Variants in PIP5K1B observed in about 807,000 individuals in gnomAD.
PIP5K1B encodes phosphatidylinositol-4-phosphate 5-kinase type 1 beta, also known as phosphatidylinositol 4-phosphate 5-kinase type-1 beta.
A neutral mutation model predicts 67.0 loss-of-function variants in PIP5K1B; 42 were observed. The observed-to-expected ratio is 0.63, with a 90% CI of 0.49 to 0.81. The LOEUF is 0.81. PIP5K1B is among the 30% of genes least tolerant of loss of function. The pLI, the probability that PIP5K1B is intolerant of heterozygous loss-of-function variation, is 0.00. For missense variants in PIP5K1B, 459 were observed against 646.3 expected (o/e 0.71, Z 3.14); for synonymous variants, 214 against 231.4 (o/e 0.92, Z 0.68).
At chr9:68,879,396 C>T (rs533342973) in intron 6 of PIP5K1B, among the ~76,000 whole-genome samples, 12 of 151,958 alleles carry the variant, frequency 7.9e-5, no homozygotes, top group South Asian at 4.2e-4. Flanking sequence ...GGTGAAACCC[C>T]GTCTCTACTA....
At chr9:68,802,965 G>A (rs539803576) in intron 2 of PIP5K1B, among the ~76,000 whole-genome samples, 41 of 152,190 alleles carry the variant, frequency 2.7e-4, no homozygotes, top group Non-Finnish European at 4.8e-4. Flanking sequence ...CAACAAGGCA[G>A]ACTAATTAGG....
intron 12 of PIP5K1B, among the ~76,000 whole-genome samples, chr9:68,930,757 T>TAAC (rs1361315386): frequency 6.7e-6 from 1 of 149,406 alleles, no homozygotes; most frequent in Non-Finnish European, 1.5e-5. Flanking sequence ...CCTTCCATGC[T>TAAC]AATAATAATA....
chr9:68,933,283 A>AAAAATAAAATAAAAT lies in PIP5K1B; in HGVS notation c.1202-1598_1202-1584dup, dbSNP rs10659430. Among the ~76,000 whole-genome samples the AAAAATAAAATAAAAT allele has an allele frequency of 4.0e-5, 6 of 149,788 alleles. No individual in the cohort carries two copies. In the East Asian group the frequency reaches 1.2e-3, roughly 30 times the overall value. On this transcript the variant is annotated intron_variant, in intron 12 of 15. Transcript: ENST00000265382. Reference sequence around the variant, plus strand: ...AGCACATGTATCCCAGAACTTAAAGAAAAATAAAATAAAATAAAATAAATA... The same window carrying AAAAATAAAATAAAAT: ...AGCACATGTATCCCAGAACTTAAAGAAAAATAAAATAAAATAAAATAAAATAAAATAAAATAAATA...
intron 5 of PIP5K1B, among the ~76,000 whole-genome samples, chr9:68,872,524 T>A (rs974628881): frequency 2.6e-5 from 4 of 152,248 alleles, no homozygotes; most frequent in African/African-American, 7.2e-5. Flanking sequence ...TCTAACTTTT[T>A]AAATTTATTT....
chr9:68,978,303 T>C (rs2132872444), intron 14 of PIP5K1B, among the ~76,000 whole-genome samples: 1 of 152,344 alleles, frequency 6.6e-6, no homozygotes, highest in East Asian at 1.9e-4. Context: ...CACCAGTAAC[T>C]ATCATTCTAG....
At chr9:68,869,155 G>A (rs941291753) in intron 5 of PIP5K1B, among the ~76,000 whole-genome samples, 18 of 152,184 alleles carry the variant, frequency 1.2e-4, no homozygotes, top group African/African-American at 3.9e-4. Flanking sequence ...TCCCTGGGCT[G>A]TGGACAAGTA....
At chr9:68,847,424 T>TGTGTGTGTGTGTGTGG (rs1822251651) in intron 4 of PIP5K1B, among the ~76,000 whole-genome samples, 1 of 143,042 alleles carries the variant, frequency 7.0e-6, no homozygotes, top group East Asian at 2.0e-4. Context: ...TGTGTGTGTG[T>TGTGTGTGTGTGTGTGG]GTGTGTGTGT....
intron 2 of PIP5K1B, among the ~76,000 whole-genome samples, chr9:68,802,552 CA>C (rs1423354103): frequency 6.6e-6 from 1 of 152,114 alleles, no homozygotes; most frequent in Non-Finnish European, 1.5e-5. Context: ...GTAAGTGTCA[CA>C]ATAGAGTTAG....
intron 14 of PIP5K1B, among the ~76,000 whole-genome samples, chr9:68,982,494 C>G (rs1325583374): frequency 6.6e-6 from 1 of 152,166 alleles, no homozygotes; most frequent in African/African-American, 2.4e-5. Flanking sequence ...CGGTGGCTCA[C>G]GCCTGTAATC....
chr9:68,862,800 AT>A (rs1823159558), intron 4 of PIP5K1B, among the ~76,000 whole-genome samples: 1 of 134,088 alleles, frequency 7.5e-6, no homozygotes, highest in Admixed American at 8.0e-5. Context: ...TCAAAAAAAA[AT>A]AAAAAATAAA....
chr9:68,962,493 A>C (rs1564274422), intron 14 of PIP5K1B, among the ~76,000 whole-genome samples: 3 of 152,208 alleles, frequency 2.0e-5, no homozygotes, highest in Non-Finnish European at 1.5e-5. Context: ...TCAAATTCTG[A>C]CTGCCTCATA....
intron 4 of PIP5K1B, among the ~76,000 whole-genome samples, chr9:68,825,734 G>A (rs1331835544): frequency 6.6e-6 from 1 of 152,194 alleles, no homozygotes; most frequent in African/African-American, 2.4e-5. Flanking sequence ...TCACAGTGGA[G>A]TGGGAGAGGC....
rs534474985 is a variant in PIP5K1B, at chr9:68,992,225, G to T, written c.1620+968G>T. Reference sequence around the variant, plus strand: ...TATCTGCCCACCTTGGCCTCCCAAAGTGCTGGGATTACAGGCATGAGCCAC... The same window carrying T: ...TATCTGCCCACCTTGGCCTCCCAAATTGCTGGGATTACAGGCATGAGCCAC... On this transcript the variant is annotated intron_variant, in intron 15 of 15. Transcript: ENST00000265382. 5.2e-3 allele frequency among the ~76,000 whole-genome samples: 793 copies of T among 151,916 alleles called. 2 individuals are homozygous for T. Among genetic ancestry groups the T allele is most frequent in the Non-Finnish European group, 8.1e-3 (552 of 67,980 alleles).
At chr9:68,849,503 C>T (rs1420639580) in intron 4 of PIP5K1B, among the ~76,000 whole-genome samples, 1 of 152,186 alleles carries the variant, frequency 6.6e-6, no homozygotes, top group Non-Finnish European at 1.5e-5. Context: ...GCCTCAGCCT[C>T]CCCAGGCAAG....
chr9:68,959,896 A>T (rs935094681), intron 14 of PIP5K1B, among the ~76,000 whole-genome samples: 3 of 152,164 alleles, frequency 2.0e-5, no homozygotes, highest in African/African-American at 7.2e-5. Context: ...GAGTCTTCTG[A>T]CCTTGTCTAG....
intron 1 of PIP5K1B, among the ~76,000 whole-genome samples, chr9:68,709,365 T>G (rs1827275897): frequency 1.3e-5 from 2 of 152,132 alleles, no homozygotes; most frequent in Admixed American, 1.3e-4. Context: ...CCTGAGTAGC[T>G]GCAACAACAG....
chr9:69,005,117 T>TA lies in PIP5K1B; in HGVS notation c.1621-3318dup, dbSNP rs397705398. Among the ~76,000 whole-genome samples, 1,219 of 145,432 alleles carry TA rather than the reference T, an allele frequency of 8.4e-3. 6 individuals are homozygous for TA. The highest frequency in any genetic ancestry group is 0.021 in the Middle Eastern group (6 of 284). ...AGAAACTTCTATGACATCCTTAGTT[T>TA]AAAAAAAAAAAACTAAACTAAACTT... On this transcript the variant is annotated intron_variant, in intron 15 of 15. Coordinates refer to ENST00000265382, the MANE Select transcript of PIP5K1B (RefSeq NM_003558.4).
At chr9:68,733,353 G>C (rs1022708956) in intron 1 of PIP5K1B, among the ~76,000 whole-genome samples, 1 of 152,102 alleles carries the variant, frequency 6.6e-6, no homozygotes, top group African/African-American at 2.4e-5. Flanking sequence ...TGCATATTTC[G>C]TTTTTCTCTG....
intron 14 of PIP5K1B, among the ~76,000 whole-genome samples, chr9:68,976,921 C>T (rs1829656640): frequency 6.6e-6 from 1 of 152,202 alleles, no homozygotes; most frequent in Non-Finnish European, 1.5e-5. Context: ...GACCCCTGCC[C>T]TATGATTCAA....
Sources: gnomAD v4.1 joint callset for allele counts (sites outside exome capture counted in the v4.1 genomes callset) on GRCh38, gnomAD v4.1.1 for gene constraint, MANE v1.5 for transcripts, NCBI Gene and HGNC (gene_info 2026-07-23, HGNC 2026-07-21) for gene names.